Variants in ALG9 observed in about 807,000 individuals in gnomAD.
The protein encoded by ALG9 is ALG9 alpha-1,2-mannosyltransferase.
ALG9 carries 55 observed loss-of-function variants against 81.8 expected under a neutral mutation model. That is an observed-to-expected ratio of 0.67 (90% confidence interval 0.54 to 0.84). The LOEUF (loss-of-function observed/expected upper bound fraction) is 0.84. Among genes scored for constraint, ALG9 ranks in the 40% least tolerant of loss-of-function variants. The pLI is 0.00. For missense variants in ALG9, 629 were observed against 745.0 expected (o/e 0.84, Z 1.81); for synonymous variants, 278 against 274.3 (o/e 1.01, Z -0.13).
intron 13 of ALG9, among the ~76,000 whole-genome samples, chr11:111,811,924 G>C (rs1041645878): frequency 6.6e-6 from 1 of 152,128 alleles, no homozygotes; most frequent in African/African-American, 2.4e-5. Flanking sequence ...ATACTGGTGA[G>C]AGTTGTACAT....
At chr11:111,808,245 C>G (rs1950215630) in intron 14 of ALG9, among the ~76,000 whole-genome samples, 1 of 152,132 alleles carries the variant, frequency 6.6e-6, no homozygotes, top group Non-Finnish European at 1.5e-5. Flanking sequence ...AACTCAGGTG[C>G]CTCTTTACTG....
At chr11:111,769,876 C>T in the ALG9 span, among the ~76,000 whole-genome samples, 1 of 151,952 alleles carries the variant, frequency 6.6e-6, no homozygotes. Context: ...GAAAATAGGC[C>T]CCAGAAAATT....
At chr11:111,794,883 G>A (rs1268815575) in intron 14 of ALG9, among the ~76,000 whole-genome samples, 1 of 152,202 alleles carries the variant, frequency 6.6e-6, no homozygotes, top group Non-Finnish European at 1.5e-5. Flanking sequence ...GAGAATCTCA[G>A]AATTCCTTCA....
intron 13 of ALG9, among the ~76,000 whole-genome samples, chr11:111,824,723 C>A (rs112732349): frequency 3.1e-4 from 47 of 152,284 alleles, no homozygotes; most frequent in African/African-American, 1.1e-3. Flanking sequence ...GAGGGAATGT[C>A]TTTTTAAACG....
intron 14 of ALG9, among the ~76,000 whole-genome samples, chr11:111,800,649 C>T (rs528895403): frequency 1.3e-5 from 2 of 152,146 alleles, no homozygotes; most frequent in Admixed American, 1.3e-4. Context: ...TTGCAACACC[C>T]TGTACTTTCC....
chr11:111,840,817 A>G lies in ALG9; in HGVS notation c.1019-8T>C. ...GGTGGCCTAAATTCTGAACTGCAAG[A>G]CACAGAAAAATACCCATCTTTCATT... On this transcript the variant is annotated splice_region_variant and splice_polypyrimidine_tract_variant and intron_variant, in intron 9 of 14. Transcript: ENST00000616540. The G allele has an allele frequency of 6.2e-7, 1 of 1,614,058 alleles. No homozygotes were observed. Among genetic ancestry groups the G allele is most frequent in the South Asian group, 1.1e-5 (1 of 91,082 alleles).
At chr11:111,788,301 GC>G (rs1946780359) in intron 14 of ALG9, 2 of 416,248 alleles carry the variant, frequency 4.8e-6, no homozygotes, top group Non-Finnish European at 4.7e-6. Context: ...CGCTGGCAGT[GC>G]CCTGTGCTCT....
rs559699218 is a variant in ALG9, at chr11:111,826,549, C to T, written c.1602+9616G>A. ...TTTATTTTTTTCAGACAGAGTCTCA[C>T]TCTGTCTCCCAGAATGGAGTGCAGT... On this transcript the variant is annotated intron_variant, in intron 13 of 14. Transcript: ENST00000616540. Among the ~76,000 whole-genome samples the T allele has an allele frequency of 2.6e-5, 4 of 152,182 alleles. No individual in the cohort carries two copies. The South Asian group carries it at 6.2e-4, about 24-fold the overall frequency.
chr11:111,841,020 C>CT (rs781954324), intron 9 of ALG9, among the ~76,000 whole-genome samples: 4 of 152,242 alleles, frequency 2.6e-5, no homozygotes, highest in Admixed American at 2.0e-4. Context: ...GATCTAAACT[C>CT]TAACAACAAG....
At chr11:111,833,636 C>G (rs187303146) in intron 13 of ALG9, among the ~76,000 whole-genome samples, 91 of 152,278 alleles carry the variant, frequency 6.0e-4, no homozygotes, top group African/African-American at 1.9e-3. Flanking sequence ...AAGGTCCATG[C>G]CTAATTTTCA....
rs555553041 is a variant in ALG9 at position 111,864,032 on chromosome 11, A to G, written c.476+1149T>C. On this transcript the variant is annotated intron_variant, in intron 4 of 14. Transcript: ENST00000616540. ...AACGAGAAGTCACACTTCAGATTTA[A>G]TATCAGGAGCTACAGGTGATGGGTG... is the stretch of plus-strand genomic sequence containing the variant. Among the ~76,000 whole-genome samples the G allele has an allele frequency of 3.9e-5, 6 of 152,244 alleles. 1 individual carries two copies. Among genetic ancestry groups the G allele is most frequent in the South Asian group, 4.1e-4 (2 of 4,836 alleles).
chr11:111,835,759 G>T lies in ALG9; in HGVS notation c.1602+406C>A, dbSNP rs538057243. Among the ~76,000 whole-genome samples the T allele has an allele frequency of 7.6e-3, 1,152 of 152,134 alleles. 11 individuals are homozygous for T. The highest frequency in any genetic ancestry group is 0.012 in the Non-Finnish European group (791 of 67,978). On this transcript the variant is annotated intron_variant, in intron 13 of 14. Coordinates refer to ENST00000616540, the MANE Select transcript of ALG9 (RefSeq NM_024740.2). The stretch of plus-strand genomic sequence containing the variant: ...TACCCCTCATCCTAAAAAATATCCG[G>T]TTTTTTTCTGAGACAGGGTCTCACT...
intron 6 of ALG9, among the ~76,000 whole-genome samples, chr11:111,857,152 G>A (rs748316368): frequency 2.6e-5 from 4 of 152,048 alleles, no homozygotes; most frequent in Admixed American, 2.0e-4. Context: ...GAAGACGGGA[G>A]GAAACTCAGA....
chr11:111,846,929 A>T (rs1370129008), intron 8 of ALG9, among the ~76,000 whole-genome samples: 1 of 152,226 alleles, frequency 6.6e-6, no homozygotes, highest in Non-Finnish European at 1.5e-5. Flanking sequence ...GAAAGCTGGC[A>T]GCAGGGTCTC....
At chr11:111,853,847 T>C in intron 6 of ALG9, 111 bp from the exon 7 acceptor site, 1 of 985,406 alleles carries the variant, frequency 1.0e-6, no homozygotes, top group Non-Finnish European at 1.6e-6. Context: ...CCAGTTATAG[T>C]GAGGGAAGAA....
At chr11:111,803,595 C>T (rs1949477022) in intron 14 of ALG9, among the ~76,000 whole-genome samples, 1 of 151,278 alleles carries the variant, frequency 6.6e-6, no homozygotes, top group Non-Finnish European at 1.5e-5. Flanking sequence ...CAGTGTGGTA[C>T]TGGAGAAAGA....
Position 111,826,388 on chromosome 11 carries a change from GT to G in ALG9, c.1602+9776del, listed in dbSNP as rs1246042275. Among the ~76,000 whole-genome samples, 9 of 75,728 alleles carry G rather than the reference GT, an allele frequency of 1.2e-4. No individual in the cohort carries two copies. The East Asian group carries it at 4.0e-3, about 34-fold the overall frequency. The allele number at this position is 75,728 out of a possible 152,430, so 49.7% of individuals were successfully genotyped here. A position where few individuals can be genotyped will look rare whatever the true frequency, so the allele number is the denominator to read the frequency against. On this transcript the variant is annotated intron_variant, in intron 13 of 14. Coordinates refer to ENST00000616540, the MANE Select transcript of ALG9 (RefSeq NM_024740.2). ...TGACAAAATAAACAATATATCCAGA[GT>G]TTAAAAAAAAAAAACAAAAAAAAAC...
chr11:111,786,587 G>T, intron 14 of ALG9, 67 bp from the exon 15 acceptor site: 1 of 1,530,980 alleles, frequency 6.5e-7, no homozygotes, highest in Non-Finnish European at 9.0e-7. Context: ...TACTAAATGT[G>T]ATTAAAATAA....
In ALG9 at chr11:111,850,706, C is replaced by CAA. The variant is rs782114013; in HGVS notation, c.895+2672_895+2673dup. Among the ~76,000 whole-genome samples, 47 of 66,684 alleles carry CAA rather than the reference C, an allele frequency of 7.0e-4. 4 individuals carry two copies. Among genetic ancestry groups the CAA allele is most frequent in the African/African-American group, 2.6e-3 (28 of 10,860 alleles). 43.7% of individuals were successfully genotyped at this position (66,684 alleles called of 152,430 possible). A position where few individuals can be genotyped will look rare whatever the true frequency, so the allele number is the denominator to read the frequency against. On this transcript the variant is annotated intron_variant, in intron 8 of 14. Transcript: ENST00000616540. ...CGGGTGACAGAGCGAGATACTGTCT[C>CAA]AAAAAAAAAAAAAAAAAATCAGACA... is the stretch of plus-strand genomic sequence containing the variant.
Sources: gnomAD v4.1 joint callset for allele counts (sites outside exome capture counted in the v4.1 genomes callset) on GRCh38, gnomAD v4.1.1 for gene constraint, MANE v1.5 for transcripts, NCBI Gene and HGNC (gene_info 2026-07-23, HGNC 2026-07-21) for gene names.